The following CNTN5 variants were observed in gnomAD, a reference collection of about 807,000 sequenced individuals.
CNTN5 encodes the protein contactin 5.
A neutral mutation model predicts 129.1 loss-of-function variants in CNTN5; 77 were observed. The ratio of observed to expected loss-of-function variants is 0.60; its 90% CI spans 0.50 to 0.72. CNTN5 has a LOEUF of 0.72. Ranked by LOEUF, CNTN5 falls within the 30% of genes least tolerant of loss-of-function variation. The pLI, the probability that CNTN5 is intolerant of heterozygous loss-of-function variation, is 0.00. For missense variants in CNTN5, 1,478 were observed against 1,328.8 expected, an observed-to-expected ratio of 1.11 and a Z score of -1.75; for synonymous variants, 509 against 465.6, an observed-to-expected ratio of 1.09 and a Z score of -1.20.
intron 2 of CNTN5, among the ~76,000 whole-genome samples, chr11:99,442,723 C>A (rs935613863): frequency 1.3e-5 from 2 of 152,052 alleles, no homozygotes; most frequent in Non-Finnish European, 2.9e-5. Context: ...AGTTTCTTTC[C>A]CAAATCCTGC....
intron 3 of CNTN5, among the ~76,000 whole-genome samples, chr11:99,695,887 A>ACTATAAAATGTCTATTACT (rs1954248388): frequency 6.6e-6 from 1 of 152,124 alleles, no homozygotes; most frequent in South Asian, 2.1e-4. Flanking sequence ...ACTAACACTA[A>ACTATAAAATGTCTATTACT]AAGCACTTAC....
At chr11:99,651,897 T>C (rs1952170896) in intron 3 of CNTN5, among the ~76,000 whole-genome samples, 1 of 151,982 alleles carries the variant, frequency 6.6e-6, no homozygotes, top group East Asian at 1.9e-4. Flanking sequence ...ATATAAAGAT[T>C]TGAAAAAAAA....
In CNTN5 at chr11:100,224,695, G is replaced by A; in HGVS notation, c.1888G>A (p.Ala630Thr). 6.2e-7 allele frequency: 1 copy of A among 1,610,072 alleles called. No individual in the cohort carries two copies. The highest frequency in any genetic ancestry group is 8.5e-7 in the Non-Finnish European group (1 of 1,177,080). ...TGGCACTTCATCCCTCTTTCAGCAA[G>A]CATCCTCTGCAGATTTAATGATCAG... ...GGHFESIRAQ[A>T]SSADLMIRNI... Residue 630 changes from alanine to threonine, a missense_variant, in exon 16 of 25, where the codon GCA becomes ACA. By Grantham distance (58) the Ala-to-Thr change is moderately conservative. Coordinates refer to ENST00000524871, the MANE Select transcript of CNTN5 (RefSeq NM_014361.4).
chr11:99,172,216 CA>C (rs11366427), intron 1 of CNTN5, among the ~76,000 whole-genome samples: 125,174 of 152,048 alleles, frequency 0.82, 51,853 homozygotes, highest in Middle Eastern at 0.91. Flanking sequence ...TCTTTTTATA[CA>C]AAAATAAGAT....
intron 13 of CNTN5, among the ~76,000 whole-genome samples, chr11:100,105,045 T>C (rs1945373688): frequency 6.6e-6 from 1 of 152,202 alleles, no homozygotes; most frequent in Admixed American, 6.5e-5. Flanking sequence ...TTTACACTGA[T>C]TTCACCATAT....
At chr11:99,704,069 G>A (rs192434803) in intron 3 of CNTN5, among the ~76,000 whole-genome samples, 31 of 148,480 alleles carry the variant, frequency 2.1e-4, no homozygotes, top group African/African-American at 7.1e-4. Flanking sequence ...GTGTGTGTGT[G>A]TATGTGTGTG....
At position 99,084,040 on chromosome 11, in the gene CNTN5, G is replaced by T. The variant is rs1428513517; in HGVS notation, c.-210+62770G>T. On this transcript the variant is annotated intron_variant, in intron 1 of 24. Coordinates refer to ENST00000524871, the MANE Select transcript of CNTN5 (RefSeq NM_014361.4). ...TTTACCAATAAAATGGAGATCTTCA[G>T]TTATTATTTGAGTGCTTGAAACCCT... 2.6e-5 allele frequency among the ~76,000 whole-genome samples: 4 copies of T among 152,162 alleles called. No homozygotes were observed. The East Asian group carries it at 7.7e-4, about 29-fold the overall frequency.
At chr11:99,306,415 G>A (rs1263827346) in intron 1 of CNTN5, among the ~76,000 whole-genome samples, 1 of 152,056 alleles carries the variant, frequency 6.6e-6, no homozygotes, top group Non-Finnish European at 1.5e-5. Context: ...TATAGACAAG[G>A]TAAATAAAAG....
chr11:99,464,053 C>T (rs746114849), intron 2 of CNTN5, among the ~76,000 whole-genome samples: 1 of 152,114 alleles, frequency 6.6e-6, no homozygotes, highest in African/African-American at 2.4e-5. Context: ...ATTTCTTTAA[C>T]TGGGTTTGTA....
chr11:99,586,986 A>T (rs1266406389), intron 3 of CNTN5, among the ~76,000 whole-genome samples: 1 of 152,214 alleles, frequency 6.6e-6, no homozygotes, highest in Non-Finnish European at 1.5e-5. Context: ...TCATTAATCA[A>T]CTTTTTTCCA....
At chr11:100,068,148 C>T (rs1341774406) in intron 10 of CNTN5, among the ~76,000 whole-genome samples, 3 of 152,080 alleles carry the variant, frequency 2.0e-5, no homozygotes, top group Non-Finnish European at 2.9e-5. Context: ...ATAGGTAGGA[C>T]ACTGTTTCGC....
At chr11:99,415,447 C>T (rs573896975) in intron 2 of CNTN5, among the ~76,000 whole-genome samples, 1 of 152,158 alleles carries the variant, frequency 6.6e-6, no homozygotes, top group Non-Finnish European at 1.5e-5. Flanking sequence ...GGGGCAGGGC[C>T]TCTCTGGAAT....
At chr11:99,602,185 CTT>C (rs1950333258) in intron 3 of CNTN5, among the ~76,000 whole-genome samples, 1 of 151,860 alleles carries the variant, frequency 6.6e-6, no homozygotes, top group Non-Finnish European at 1.5e-5. Flanking sequence ...TAGAGACACA[CTT>C]TTATACGAAT....
chr11:99,439,778 T>A (rs2135142815), intron 2 of CNTN5, among the ~76,000 whole-genome samples: 1 of 151,908 alleles, frequency 6.6e-6, no homozygotes, highest in South Asian at 2.1e-4. Context: ...AGATATATAT[T>A]TATAAGTATT....
At chr11:99,827,464 C>G (rs1351021217) in intron 4 of CNTN5, among the ~76,000 whole-genome samples, 1 of 152,128 alleles carries the variant, frequency 6.6e-6, no homozygotes, top group African/African-American at 2.4e-5. Context: ...AGCATTATAA[C>G]AGCAATAGCC....
chr11:100,348,619 C>A (rs1378200634), intron 23 of CNTN5, among the ~76,000 whole-genome samples: 1 of 152,010 alleles, frequency 6.6e-6, no homozygotes, highest in Non-Finnish European at 1.5e-5. Flanking sequence ...CACCAATTTA[C>A]ATACTTTCCC....
intron 1 of CNTN5, among the ~76,000 whole-genome samples, chr11:99,205,668 A>G (rs1174140323): frequency 6.6e-6 from 1 of 152,088 alleles, no homozygotes; most frequent in Non-Finnish European, 1.5e-5. Flanking sequence ...GTTCTCACAC[A>G]CTCTCTTTCC....
At chr11:99,080,548 C>G (rs908661772) in intron 1 of CNTN5, among the ~76,000 whole-genome samples, 12 of 152,276 alleles carry the variant, frequency 7.9e-5, no homozygotes, top group South Asian at 4.1e-4. Context: ...GGCAGATTCC[C>G]AAATTTGCTG....
chr11:99,023,730 T>A (rs1436037999), intron 1 of CNTN5, among the ~76,000 whole-genome samples: 1 of 152,226 alleles, frequency 6.6e-6, no homozygotes, highest in South Asian at 2.1e-4. Context: ...TTCTTTCTCA[T>A]GTATCTTGAT....
Sources: gnomAD v4.1 joint callset for allele counts (sites outside exome capture counted in the v4.1 genomes callset) on GRCh38, gnomAD v4.1.1 for gene constraint, MANE v1.5 for transcripts, NCBI Gene and HGNC (gene_info 2026-07-23, HGNC 2026-07-21) for gene names.